NDC1: variants seen among roughly 807,000 people sequenced by gnomAD.
NDC1 encodes the protein nucleoporin NDC1.
Under a neutral mutation model 89.8 loss-of-function variants are expected in NDC1, and 24 were observed. The ratio of observed to expected loss-of-function variants is 0.27; its 90% confidence interval spans 0.19 to 0.38. The LOEUF (loss-of-function observed/expected upper bound fraction) is 0.38. Ranked by LOEUF, NDC1 falls within the 10% of genes least tolerant of loss-of-function variation. The probability of loss-of-function intolerance (pLI) is 1.00; values close to 1 mark genes in which losing one functional copy is unlikely to be tolerated. For missense variants in NDC1, 728 were observed against 797.6 expected (o/e 0.91, Z 1.05); for synonymous variants, 296 against 284.8 (o/e 1.04, Z -0.39).
chr1:53,815,859 C>CA (rs984423287), intron 6 of NDC1, among the ~76,000 whole-genome samples: 25 of 151,432 alleles, frequency 1.7e-4, no homozygotes, highest in Admixed American at 1.3e-3. Context: ...AGAATAGCTG[C>CA]AAAAAAAATA....
intron 4 of NDC1, among the ~76,000 whole-genome samples, chr1:53,827,156 T>C (rs1245610145): frequency 6.6e-6 from 1 of 151,040 alleles, no homozygotes; most frequent in Non-Finnish European, 1.5e-5. Flanking sequence ...CTGCCTTATA[T>C]AATAGTAGCT....
At chr1:53,828,218 T>C in intron 3 of NDC1, 45 bp from the exon 4 acceptor site, 1 of 1,570,268 alleles carries the variant, frequency 6.4e-7, no homozygotes, top group African/African-American at 1.3e-5. Context: ...CTACAGCATA[T>C]GCAGTTAGAG....
At chr1:53,778,269 A>T (rs913354863) in intron 16 of NDC1, among the ~76,000 whole-genome samples, 14 of 141,630 alleles carry the variant, frequency 9.9e-5, no homozygotes, top group African/African-American at 3.6e-4. Context: ...ATACACACAC[A>T]CACACACACA....
intron 16 of NDC1, among the ~76,000 whole-genome samples, chr1:53,779,982 T>C (rs1467035556): frequency 6.6e-6 from 1 of 152,124 alleles, no homozygotes. Flanking sequence ...GAGCCATTAA[T>C]TATCTCACAT....
Position 53,802,437 on chromosome 1 carries a change from CAGG to C in NDC1, c.1066+1488_1066+1490del, listed in dbSNP as rs1255214547. On this transcript the variant is annotated intron_variant, in intron 10 of 17. Transcript: ENST00000371429. ...ATTCTAACACTTTGGGAGGCCAAAG[CAGG>C]AGAACTGCTTGACCCCAGGAGTTCA... 3.9e-5 allele frequency among the ~76,000 whole-genome samples: 6 copies of C among 152,160 alleles called. No individual in the cohort carries two copies. In the East Asian group the frequency reaches 5.8e-4, roughly 15 times the overall value.
chr1:53,814,272 G>A (rs577090245), intron 6 of NDC1, among the ~76,000 whole-genome samples: 5 of 152,202 alleles, frequency 3.3e-5, no homozygotes, highest in East Asian at 3.9e-4. Context: ...GGAGAATGGC[G>A]TGAACCCGGG....
intron 6 of NDC1, among the ~76,000 whole-genome samples, chr1:53,812,613 T>G (rs1181154): frequency 6.6e-6 from 1 of 152,028 alleles, no homozygotes; most frequent in Non-Finnish European, 1.5e-5. Flanking sequence ...GATTATGTTA[T>G]ACGACCAAAC....
At position 53,798,418 on chromosome 1, in the gene NDC1, C is replaced by T. The variant is rs189131217; in HGVS notation, c.1223-1274G>A. Among the ~76,000 whole-genome samples, 47 of 151,752 alleles carry T rather than the reference C, an allele frequency of 3.1e-4. 1 individual carries two copies. The highest frequency in any genetic ancestry group is 1.1e-3 in the African/African-American group (44 of 41,444). On this transcript the variant is annotated intron_variant, in intron 11 of 17. Transcript: ENST00000371429. ...TCCTGACCTCATGATCCGCCCACCT[C>T]GGCCTCCCAAAATGCTGGAATTACA...
At chr1:53,787,303 C>T in intron 15 of NDC1, 45 bp from the exon 16 acceptor site, 1 of 1,069,730 alleles carries the variant, frequency 9.3e-7, no homozygotes, top group Non-Finnish European at 1.4e-6. Flanking sequence ...CAAAATTAGG[C>T]AAAACTATTT....
intron 6 of NDC1, among the ~76,000 whole-genome samples, chr1:53,812,570 G>C (rs1648346952): frequency 6.6e-6 from 1 of 152,090 alleles, no homozygotes; most frequent in Non-Finnish European, 1.5e-5. Flanking sequence ...AGAAAAAAAA[G>C]GAGAATATGG....
intron 17 of NDC1, among the ~76,000 whole-genome samples, chr1:53,770,756 G>A (rs1034309669): frequency 6.6e-6 from 1 of 152,096 alleles, no homozygotes; most frequent in Non-Finnish European, 1.5e-5. Context: ...CTGGGTGCAA[G>A]TGATTCTCAT....
chr1:53,796,330 T>C (rs549198376), intron 13 of NDC1, among the ~76,000 whole-genome samples: 3 of 152,326 alleles, frequency 2.0e-5, no homozygotes, highest in Non-Finnish European at 4.4e-5. Flanking sequence ...TGATATTTTA[T>C]ATTTCAGAGA....
chr1:53,804,509 C>G (rs1570199866), intron 9 of NDC1, among the ~76,000 whole-genome samples: 1 of 152,272 alleles, frequency 6.6e-6, no homozygotes, highest in Middle Eastern at 3.4e-3. Flanking sequence ...CAAAGTCTCA[C>G]TCTGTTGCCC....
chr1:53,812,694 T>C (rs1269950064), intron 6 of NDC1, among the ~76,000 whole-genome samples: 1 of 152,198 alleles, frequency 6.6e-6, no homozygotes, highest in African/African-American at 2.4e-5. Context: ...GGGGGAATAA[T>C]CAAGGAAAAC....
At chr1:53,818,368 G>A (rs1648548105) in intron 6 of NDC1, among the ~76,000 whole-genome samples, 1 of 151,852 alleles carries the variant, frequency 6.6e-6, no homozygotes, top group African/African-American at 2.4e-5. Flanking sequence ...TTGAACCCAA[G>A]AGGCGGAGGT....
In NDC1 at chr1:53,807,638, A is replaced by T; in HGVS notation, c.891+18T>A. On this transcript the variant is annotated intron_variant, in intron 8 of 17. Transcript: ENST00000371429. ...CAAAACACAAAAGTATTAAGAAAAA[A>T]TATTTTAAAAAACATACCTCTGTGG... is the stretch of plus-strand genomic sequence containing the variant. 1 of 1,586,856 alleles carries T rather than the reference A, an allele frequency of 6.3e-7. No individual in the cohort carries two copies. The highest frequency in any genetic ancestry group is 1.2e-5 in the South Asian group (1 of 85,800).
intron 16 of NDC1, among the ~76,000 whole-genome samples, chr1:53,776,841 TTC>T (rs1647167420): frequency 6.6e-6 from 1 of 152,234 alleles, no homozygotes; most frequent in Admixed American, 6.5e-5. Flanking sequence ...TTTATCATTA[TTC>T]TGTTTTCATA....
At chr1:53,787,401 C>A in intron 15 of NDC1, 143 bp from the exon 16 acceptor site, 1 of 545,780 alleles carries the variant, frequency 1.8e-6, no homozygotes, top group Non-Finnish European at 3.2e-6. Flanking sequence ...GTAATCCTAG[C>A]ACTCTGGGAG....
intron 10 of NDC1, among the ~76,000 whole-genome samples, chr1:53,801,099 A>AC (rs1647898426): frequency 6.6e-6 from 1 of 152,002 alleles, no homozygotes; most frequent in Non-Finnish European, 1.5e-5. Flanking sequence ...CAAAAAAAAA[A>AC]AAAAACAAAA....
Sources: gnomAD v4.1 joint callset for allele counts (sites outside exome capture counted in the v4.1 genomes callset) on GRCh38, gnomAD v4.1.1 for gene constraint, MANE v1.5 for transcripts, NCBI Gene and HGNC (gene_info 2026-07-23, HGNC 2026-07-21) for gene names.